The following TRIP4 variants were observed in gnomAD, a reference collection of about 807,000 sequenced individuals.
The protein encoded by TRIP4 is thyroid hormone receptor interactor 4.
A neutral mutation model predicts 81.8 loss-of-function variants in TRIP4; 54 were observed. That is an observed-to-expected ratio of 0.66 (90% CI 0.53 to 0.83). The LOEUF is 0.83. Ranked by LOEUF, TRIP4 falls within the 40% of genes least tolerant of loss-of-function variation. The pLI is 0.00. For missense variants in TRIP4, 662 were observed against 683.6 expected, an observed-to-expected ratio of 0.97 and a Z score of 0.35; for synonymous variants, 270 against 242.8, an observed-to-expected ratio of 1.11 and a Z score of -1.04.
chr15:64,399,831 C>T (rs1378131620), intron 4 of TRIP4, among the ~76,000 whole-genome samples: 3 of 151,594 alleles, frequency 2.0e-5, no homozygotes, highest in Non-Finnish European at 4.4e-5. Context: ...AGTCTCAGGC[C>T]AGGCATGCTG....
chr15:64,428,280 A>G (rs751018533), intron 11 of TRIP4, among the ~76,000 whole-genome samples: 1 of 152,194 alleles, frequency 6.6e-6, no homozygotes, highest in Non-Finnish European at 1.5e-5. Context: ...GTAGGAAACT[A>G]TAATCCTGAT....
chr15:64,449,503 C>T (rs374986708), intron 12 of TRIP4, among the ~76,000 whole-genome samples: 34 of 151,630 alleles, frequency 2.2e-4, no homozygotes, highest in African/African-American at 7.5e-4. Context: ...CTATGATGCC[C>T]GGCTTCAGGT....
At chr15:64,401,915 T>C (rs1891518534) in intron 5 of TRIP4, among the ~76,000 whole-genome samples, 1 of 152,284 alleles carries the variant, frequency 6.6e-6, no homozygotes, top group African/African-American at 2.4e-5. Flanking sequence ...CAAGAAAAGA[T>C]TGAAGAAACG....
chr15:64,394,432 C>T (rs1027798620), intron 2 of TRIP4, among the ~76,000 whole-genome samples: 4 of 151,726 alleles, frequency 2.6e-5, no homozygotes, highest in African/African-American at 9.7e-5. Flanking sequence ...GGTGAAACCC[C>T]ATCTCTACTA....
rs1044046024 is a variant in TRIP4, at chr15:64,414,702, A to G, written c.1170+491A>G. ...CAGCGAATTTTTTGTATTTTTTAATAGAGACAGGGTTTCACCGTGTTAGCC... is the reference window on the plus strand; with the variant it reads ...CAGCGAATTTTTTGTATTTTTTAATGGAGACAGGGTTTCACCGTGTTAGCC... On this transcript the variant is annotated intron_variant, in intron 8 of 12. Transcript: ENST00000261884. Among the ~76,000 whole-genome samples the G allele has an allele frequency of 4.6e-5, 7 of 151,984 alleles. No individual in the cohort carries two copies. In the South Asian group the frequency reaches 1.0e-3, roughly 23 times the overall value.
At chr15:64,426,205 G>A (rs548044651) in intron 11 of TRIP4, among the ~76,000 whole-genome samples, 2 of 152,242 alleles carry the variant, frequency 1.3e-5, no homozygotes, top group East Asian at 3.9e-4. Flanking sequence ...TTGATTGGGG[G>A]GTGGGAATAC....
At chr15:64,431,847 A>ATATATAT in intron 11 of TRIP4, among the ~76,000 whole-genome samples, 40 of 119,554 alleles carry the variant, frequency 3.3e-4, no homozygotes, top group East Asian at 2.7e-3. Context: ...ATATATATAT[A>ATATATAT]TTTTTTTTAT....
chr15:64,444,996 T>C lies in TRIP4; in HGVS notation c.1576-10T>C, dbSNP rs866577461. On this transcript the variant is annotated splice_polypyrimidine_tract_variant and intron_variant, in intron 11 of 12. Transcript: ENST00000261884. ...AACTATCCTGAACTTTTTATTTTTA[T>C]ATTTCACAGTTTCCAGACATCAGTC... is the stretch of plus-strand genomic sequence containing the variant. 1.2e-5 allele frequency: 17 copies of C among 1,435,896 alleles called. No homozygotes were observed. In the Middle Eastern group the frequency reaches 1.7e-3, roughly 142 times the overall value. The allele number at this position is 1,435,896 out of a possible 1,614,324, so 88.9% of individuals were successfully genotyped here. A position where few individuals can be genotyped will look rare whatever the true frequency, so the allele number is the denominator to read the frequency against.
intron 12 of TRIP4, chr15:64,451,120 C>CTTT: frequency 6.3e-6 from 1 of 159,248 alleles, no homozygotes; most frequent in Non-Finnish European, 1.4e-5. Flanking sequence ...AAGCCCCCCA[C>CTTT]TTTTTTTTTT....
intron 1 of TRIP4, among the ~76,000 whole-genome samples, chr15:64,392,574 C>A (rs1398653917): frequency 3.9e-5 from 6 of 151,962 alleles, no homozygotes; most frequent in African/African-American, 1.4e-4. Flanking sequence ...CTCAGGTGAT[C>A]CACCCGCCTC....
intron 8 of TRIP4, among the ~76,000 whole-genome samples, chr15:64,414,603 G>T (rs139075368): frequency 3.1e-5 from 4 of 129,296 alleles, no homozygotes; most frequent in African/African-American, 5.7e-5. Context: ...TGCAACCTCC[G>T]CCTCCCAGGT....
chr15:64,428,763 C>A (rs1892205341), intron 11 of TRIP4, among the ~76,000 whole-genome samples: 2 of 151,984 alleles, frequency 1.3e-5, no homozygotes, highest in South Asian at 4.2e-4. Context: ...CACATACCAC[C>A]ACACCTGGCC....
intron 11 of TRIP4, among the ~76,000 whole-genome samples, chr15:64,427,588 C>A (rs1596353259): frequency 6.6e-6 from 1 of 152,148 alleles, no homozygotes; most frequent in Admixed American, 6.6e-5. Flanking sequence ...GTTGGCGAAG[C>A]TGGTCTTGAA....
intron 2 of TRIP4, among the ~76,000 whole-genome samples, chr15:64,394,695 TAAAG>T (rs937601759): frequency 5.3e-5 from 8 of 150,972 alleles, no homozygotes; most frequent in African/African-American, 7.3e-5. Context: ...AATTTATACA[TAAAG>T]AAACATTTTT....
rs377491660 is a variant in TRIP4 at position 64,400,724 on chromosome 15, T to A, written c.619-19T>A. 3.1e-6 allele frequency: 5 copies of A among 1,600,658 alleles called. No homozygotes were observed. The African/African-American group carries it at 4.0e-5, about 13-fold the overall frequency. On this transcript the variant is annotated intron_variant, in intron 4 of 12. Coordinates refer to ENST00000261884, the MANE Select transcript of TRIP4 (RefSeq NM_016213.5). ...AATTTAACTGTTGGATCACATGTCT[T>A]ACTCTTACTATTTTACAGGTGTGTA...
chr15:64,395,374 A>ATTTTTTTTTTT, intron 2 of TRIP4, 24 bp from the exon 3 acceptor site: 1 of 1,194,470 alleles, frequency 8.4e-7, no homozygotes, highest in Non-Finnish European at 1.2e-6. Context: ...GTGTGTGTGT[A>ATTTTTTTTTTT]TTTTTTTTTT....
At chr15:64,429,033 G>A (rs1203604371) in intron 11 of TRIP4, among the ~76,000 whole-genome samples, 1 of 152,016 alleles carries the variant, frequency 6.6e-6, no homozygotes, top group African/African-American at 2.4e-5. Flanking sequence ...GTAGCTTTTG[G>A]GTTGGGCGTG....
At chr15:64,400,924 T>A in intron 5 of TRIP4, 103 bp downstream of exon 5, 1 of 916,174 alleles carries the variant, frequency 1.1e-6, no homozygotes, top group Non-Finnish European at 1.7e-6. Flanking sequence ...TGCAGTTTAT[T>A]CACTCATTCT....
At chr15:64,435,869 C>T (rs920571450) in intron 11 of TRIP4, among the ~76,000 whole-genome samples, 3 of 134,462 alleles carry the variant, frequency 2.2e-5, no homozygotes, top group African/African-American at 8.2e-5. Flanking sequence ...AGCAATGCTT[C>T]CTGGAATACC....
Sources: gnomAD v4.1 joint callset for allele counts (sites outside exome capture counted in the v4.1 genomes callset) on GRCh38, gnomAD v4.1.1 for gene constraint, MANE v1.5 for transcripts, NCBI Gene and HGNC (gene_info 2026-07-23, HGNC 2026-07-21) for gene names.